The following PREX2 variants were observed in gnomAD, a reference collection of about 807,000 sequenced individuals.
PREX2 encodes phosphatidylinositol-3,4,5-trisphosphate dependent Rac exchange factor 2, also known as phosphatidylinositol 3,4,5-trisphosphate-dependent Rac exchanger 2 protein.
A neutral mutation model predicts 203.2 loss-of-function variants in PREX2; 107 were observed. The ratio of observed to expected loss-of-function variants is 0.53; its 90% CI spans 0.45 to 0.62. PREX2 has a LOEUF of 0.62. Ranked by LOEUF, PREX2 falls within the 20% of genes least tolerant of loss-of-function variation. PREX2 has a pLI of 0.00. For missense variants in PREX2, 1,777 were observed against 1,955.9 expected (o/e 0.91, Z 1.72); for synonymous variants, 672 against 663.6 (o/e 1.01, Z -0.19).
chr8:68,069,219 A>G, intron 12 of PREX2, 83 bp downstream of exon 12: 1 of 713,246 alleles, frequency 1.4e-6, no homozygotes, highest in Non-Finnish European at 2.3e-6. Context: ...GAGAAACATA[A>G]AAGATTTTTC....
intron 37 of PREX2, among the ~76,000 whole-genome samples, chr8:68,199,743 C>T (rs1179633816): frequency 6.6e-6 from 1 of 152,282 alleles, no homozygotes; most frequent in African/African-American, 2.4e-5. Context: ...TTTGTTGGAA[C>T]TTTTAAAGGA....
intron 23 of PREX2, 71 bp from the exon 24 acceptor site, chr8:68,108,038 G>T: frequency 1.1e-6 from 1 of 929,996 alleles, no homozygotes. Context: ...TGTGAATGAT[G>T]CAAGTGAAAA....
intron 19 of PREX2, among the ~76,000 whole-genome samples, chr8:68,088,796 T>G (rs892720734): frequency 2.0e-5 from 3 of 152,194 alleles, no homozygotes; most frequent in Non-Finnish European, 4.4e-5. Context: ...TGCATTTTCA[T>G]GAAGACAAAA....
intron 31 of PREX2, among the ~76,000 whole-genome samples, chr8:68,132,875 A>T (rs1013196042): frequency 3.3e-5 from 5 of 152,110 alleles, no homozygotes; most frequent in Non-Finnish European, 7.4e-5. Context: ...TATATATCCA[A>T]CCACCTGAAG....
intron 1 of PREX2, among the ~76,000 whole-genome samples, chr8:67,990,728 G>T (rs779288261): frequency 6.6e-6 from 1 of 151,882 alleles, no homozygotes; most frequent in African/African-American, 2.4e-5. Flanking sequence ...AGCCAGGCTG[G>T]TCTCAAACTC....
chr8:68,089,259 G>A (rs1482154050), intron 19 of PREX2, among the ~76,000 whole-genome samples: 1 of 151,786 alleles, frequency 6.6e-6, no homozygotes, highest in Non-Finnish European at 1.5e-5. Flanking sequence ...CCAATTGACT[G>A]TCTTCTACTG....
At chr8:68,047,492 TATATATATATATATAC>T (rs1563516947) in intron 8 of PREX2, among the ~76,000 whole-genome samples, 31 of 86,446 alleles carry the variant, frequency 3.6e-4, no homozygotes, top group Middle Eastern at 9.4e-3. Context: ...TATATATATA[TATATATATATATATAC>T]ACATACATAT....
chr8:67,952,662 G>A lies in PREX2; in HGVS notation c.141+127G>A, dbSNP rs1444557206. ...CGGGACGGGTCGGGGCATCACAGGC[G>A]CGGGAATCCACGTGTGGACTCTGCG... On this transcript the variant is annotated intron_variant, in intron 1 of 39. Transcript: ENST00000288368. 3 of 1,330,202 alleles carry A rather than the reference G, an allele frequency of 2.3e-6. No homozygotes were observed. In the East Asian group the frequency reaches 7.6e-5, roughly 34 times the overall value. 82.4% of individuals were successfully genotyped at this position (1,330,202 alleles called of 1,614,324 possible). A position where few individuals can be genotyped will look rare whatever the true frequency, so the allele number is the denominator to read the frequency against.
At chr8:68,157,512 ATTTATC>A in intron 35 of PREX2, 76 bp downstream of exon 35, 1 of 649,298 alleles carries the variant, frequency 1.5e-6, no homozygotes, top group South Asian at 2.5e-5. Flanking sequence ...TTTTGATGCT[ATTTATC>A]ATATTAGATT....
At chr8:68,022,228 A>T (rs1380973455) in intron 4 of PREX2, 88 bp downstream of exon 4, 55 of 710,246 alleles carry the variant, frequency 7.7e-5, no homozygotes. Context: ...TGGAGTAAAA[A>T]TCTGTGGGAT....
chr8:68,033,718 T>C (rs1334460249), intron 6 of PREX2, among the ~76,000 whole-genome samples: 1 of 152,180 alleles, frequency 6.6e-6, no homozygotes, highest in East Asian at 1.9e-4. Flanking sequence ...TCAACTAATC[T>C]TGCTTGGGTA....
intron 34 of PREX2, among the ~76,000 whole-genome samples, chr8:68,152,596 C>G (rs1811464211): frequency 6.6e-6 from 1 of 152,090 alleles, no homozygotes; most frequent in South Asian, 2.1e-4. Flanking sequence ...AACAATCATG[C>G]AAATATACTC....
chr8:68,101,446 A>G (rs79960053), intron 23 of PREX2: 3 of 518,768 alleles, frequency 5.8e-6, no homozygotes, highest in Admixed American at 1.9e-5. Context: ...TACCTGCCAC[A>G]TTTGTTAATC....
At chr8:68,015,673 C>T (rs548941953) in intron 1 of PREX2, among the ~76,000 whole-genome samples, 1 of 152,004 alleles carries the variant, frequency 6.6e-6, no homozygotes, top group Non-Finnish European at 1.5e-5. Context: ...ACTATGTAAA[C>T]TAGGCAAATA....
chr8:68,035,095 TA>T (rs1246488958), intron 6 of PREX2, among the ~76,000 whole-genome samples: 7 of 152,136 alleles, frequency 4.6e-5, no homozygotes, highest in African/African-American at 1.7e-4. Flanking sequence ...AATCAGATTA[TA>T]ATTTTAGTTA....
chr8:67,977,774 A>G (rs1215781767), intron 1 of PREX2, among the ~76,000 whole-genome samples: 3 of 152,178 alleles, frequency 2.0e-5, no homozygotes, highest in African/African-American at 4.8e-5. Flanking sequence ...TAAAAACCCC[A>G]AAGTACTAGG....
intron 30 of PREX2, among the ~76,000 whole-genome samples, chr8:68,126,631 T>C (rs977223023): frequency 6.6e-6 from 1 of 152,154 alleles, no homozygotes; most frequent in Non-Finnish European, 1.5e-5. Context: ...GAATAGGATA[T>C]AACTTAATCT....
intron 19 of PREX2, among the ~76,000 whole-genome samples, chr8:68,088,489 T>C (rs567210378): frequency 6.6e-6 from 1 of 152,320 alleles, no homozygotes; most frequent in East Asian, 1.9e-4. Flanking sequence ...ACAAGAGACA[T>C]ACATGCTTTT....
At chr8:68,125,474 A>C (rs1810868600) in intron 30 of PREX2, among the ~76,000 whole-genome samples, 1 of 152,098 alleles carries the variant, frequency 6.6e-6, no homozygotes, top group Non-Finnish European at 1.5e-5. Flanking sequence ...GTGCTATTCA[A>C]AAATTGTATC....
Sources: allele counts gnomAD v4.1 joint callset (sites outside exome capture counted in the v4.1 genomes callset), GRCh38; gene constraint gnomAD v4.1.1; transcripts MANE v1.5; gene names NCBI Gene and HGNC (gene_info 2026-07-23, HGNC 2026-07-21).